CDH11: variants seen among roughly 807,000 people sequenced by gnomAD.
CDH11 encodes cadherin 11.
In CDH11, 11 loss-of-function variants were observed where a neutral mutation model predicts 67.8. That is an observed-to-expected ratio of 0.16 (90% CI 0.10 to 0.27). The LOEUF is 0.27. Among genes scored for constraint, CDH11 ranks in the 10% least tolerant of loss-of-function variants. The pLI, the probability that CDH11 is intolerant of heterozygous loss-of-function variation, is 1.00. For synonymous variants in CDH11, 419 were observed against 400.0 expected (o/e 1.05, Z -0.57); for missense variants, 847 against 1,031.2 (o/e 0.82, Z 2.45).
intron 11 of CDH11, among the ~76,000 whole-genome samples, chr16:64,959,988 C>T (rs2071628244): frequency 6.6e-6 from 1 of 152,158 alleles, no homozygotes; most frequent in South Asian, 2.1e-4. Context: ...TGCCTGCTTT[C>T]TTATTTTTAT....
intron 11 of CDH11, among the ~76,000 whole-genome samples, chr16:64,952,385 C>A (rs1184451349): frequency 6.6e-6 from 1 of 152,136 alleles, no homozygotes; most frequent in Non-Finnish European, 1.5e-5. Flanking sequence ...TCAGTCTCTC[C>A]AAGGCCAGAA....
At chr16:65,008,972 C>T (rs964772899) in intron 2 of CDH11, among the ~76,000 whole-genome samples, 1 of 152,070 alleles carries the variant, frequency 6.6e-6, no homozygotes, top group African/African-American at 2.4e-5. Context: ...TAAAACGTAG[C>T]ATTATTGCTA....
At chr16:65,024,709 T>C (rs1057119719) in intron 2 of CDH11, among the ~76,000 whole-genome samples, 24 of 152,174 alleles carry the variant, frequency 1.6e-4, no homozygotes, top group African/African-American at 5.6e-4. Context: ...GCAAAGAATA[T>C]AGCGCTGGGC....
At position 65,121,983 on chromosome 16, in the gene CDH11, T is replaced by C; in HGVS notation, c.-401A>G. The stretch of plus-strand genomic sequence containing the variant: ...CCCCAGTCCCGGTCCCATTCACAAG[T>C]CAGCGGCGGCTGCGAGCGGCCCCCG... On this transcript the variant is annotated 5_prime_UTR_variant, in exon 1 of 13. Transcript: ENST00000268603. The surrounding 1 kb of genome is among the most constrained non-coding windows in gnomAD (Gnocchi z 4.1). The C allele has an allele frequency of 1.4e-6, 1 of 700,912 alleles. No homozygotes were observed. Among genetic ancestry groups the C allele is most frequent in the Non-Finnish European group, 2.6e-6 (1 of 384,114 alleles). The allele number at this position is 700,912 out of a possible 1,614,324, so 43.4% of individuals were successfully genotyped here. A position where few individuals can be genotyped will look rare whatever the true frequency, so the allele number is the denominator to read the frequency against.
At chr16:65,079,369 A>G (rs2074570385) in intron 1 of CDH11, among the ~76,000 whole-genome samples, 1 of 152,210 alleles carries the variant, frequency 6.6e-6, no homozygotes, top group African/African-American at 2.4e-5. Flanking sequence ...TTATTATGAA[A>G]AAAATTAATG....
intron 11 of CDH11, among the ~76,000 whole-genome samples, chr16:64,954,708 G>T (rs1352556562): frequency 1.3e-5 from 2 of 152,102 alleles, no homozygotes; most frequent in Admixed American, 6.6e-5. Flanking sequence ...GTTGTTCCAG[G>T]ACCAATGGGA....
intron 1 of CDH11, among the ~76,000 whole-genome samples, chr16:65,077,344 G>T (rs188487210): frequency 2.5e-3 from 384 of 152,310 alleles, no homozygotes; most frequent in Non-Finnish European, 4.8e-3. Flanking sequence ...AGCCTGGCAT[G>T]AGGTAGAAGC....
chr16:65,022,193 T>A (rs2073441773), intron 2 of CDH11, among the ~76,000 whole-genome samples: 1 of 152,094 alleles, frequency 6.6e-6, no homozygotes, highest in Admixed American at 6.5e-5. Context: ...GAAACATATT[T>A]TAGAATTGAT....
At chr16:64,969,953 C>T (rs972293010) in intron 11 of CDH11, among the ~76,000 whole-genome samples, 16 of 152,140 alleles carry the variant, frequency 1.1e-4, no homozygotes, top group African/African-American at 2.9e-4. Flanking sequence ...CAGAGACTTA[C>T]AAGTGCACAT....
intron 11 of CDH11, 22 bp from the exon 12 acceptor site, chr16:64,951,040 G>A (rs1302777853): frequency 6.2e-7 from 1 of 1,606,252 alleles, no homozygotes; most frequent in South Asian, 1.1e-5. Flanking sequence ...GGGGAGACAG[G>A]CCGTGCGCCC....
At position 64,951,020 on chromosome 16, in the gene CDH11, T is replaced by C; in HGVS notation, c.1643-2A>G. On this transcript the variant is annotated splice_acceptor_variant, in intron 11 of 12. Transcript: ENST00000268603. LOFTEE classifies it high-confidence loss of function. ...GGGCGTACACGCCTGCTGTGTTATC[T>C]GCAGAAAGAGGGGAGACAGGCCGTG... The C allele has an allele frequency of 6.2e-7, 1 of 1,611,554 alleles. No individual in the cohort carries two copies. The highest frequency in any genetic ancestry group is 8.5e-7 in the Non-Finnish European group (1 of 1,178,304).
chr16:64,954,874 TG>T (rs1479301220), intron 11 of CDH11, among the ~76,000 whole-genome samples: 2 of 148,434 alleles, frequency 1.3e-5, no homozygotes, highest in East Asian at 4.0e-4. Context: ...GAGAACCAGG[TG>T]GGCAGATGAC....
intron 1 of CDH11, among the ~76,000 whole-genome samples, chr16:65,092,101 T>C (rs963368589): frequency 1.3e-5 from 2 of 152,162 alleles, no homozygotes; most frequent in Non-Finnish European, 2.9e-5. Flanking sequence ...CCTCTTCCCA[T>C]AGAATGCCAT....
chr16:65,093,659 A>C (rs1172839022), intron 1 of CDH11, among the ~76,000 whole-genome samples: 2 of 152,204 alleles, frequency 1.3e-5, no homozygotes, highest in African/African-American at 4.8e-5. Context: ...CATTCATCCA[A>C]CAAAATAATC....
chr16:65,019,438 A>G (rs145745859), intron 2 of CDH11, among the ~76,000 whole-genome samples: 1 of 152,314 alleles, frequency 6.6e-6, no homozygotes, highest in Non-Finnish European at 1.5e-5. Context: ...TTGTTTATTC[A>G]AAAGACAAAC....
intron 11 of CDH11, among the ~76,000 whole-genome samples, chr16:64,963,652 A>G (rs1287786712): frequency 2.6e-5 from 4 of 152,200 alleles, no homozygotes; most frequent in Non-Finnish European, 5.9e-5. Context: ...ACCTAGTCAT[A>G]TCATATTCAA....
chr16:65,043,912 G>C (rs1409211806), intron 2 of CDH11, among the ~76,000 whole-genome samples: 5 of 152,032 alleles, frequency 3.3e-5, no homozygotes, highest in Non-Finnish European at 7.4e-5. Context: ...TGTTTTCTAG[G>C]CTCTGCTTCA....
At chr16:65,010,661 C>T (rs1055370685) in intron 2 of CDH11, among the ~76,000 whole-genome samples, 2 of 152,002 alleles carry the variant, frequency 1.3e-5, no homozygotes, top group African/African-American at 2.4e-5. Context: ...GACCCCAGCG[C>T]TCTGCAAAGG....
chr16:64,958,476 T>C (rs2071581153), intron 11 of CDH11, among the ~76,000 whole-genome samples: 1 of 152,222 alleles, frequency 6.6e-6, no homozygotes, highest in South Asian at 2.1e-4. Context: ...GCAAACGCTG[T>C]TGTTTGTTAC....
Sources: allele counts gnomAD v4.1 joint callset (sites outside exome capture counted in the v4.1 genomes callset), GRCh38; gene constraint gnomAD v4.1.1; non-coding constraint Gnocchi (gnomAD v3.1); transcripts MANE v1.5; gene names NCBI Gene and HGNC (gene_info 2026-07-23, HGNC 2026-07-21).